FABP7: variants seen among roughly 807,000 people sequenced by gnomAD.
FABP7 encodes the protein fatty acid-binding protein, brain.
Under a neutral mutation model 14.2 loss-of-function variants are expected in FABP7, and 13 were observed. That is an observed-to-expected ratio of 0.91 (90% confidence interval 0.59 to 1.45). The LOEUF is 1.45. Ranked by LOEUF, FABP7 falls within the 40% of genes most tolerant of loss-of-function variation. The pLI, the probability that FABP7 is intolerant of heterozygous loss-of-function variation, is 0.00. For missense variants in FABP7, 149 were observed against 157.6 expected (o/e 0.95, Z 0.29); for synonymous variants, 49 against 51.4 (o/e 0.95, Z 0.20).
At chr6:122,762,077 G>C in the FABP7 span, among the ~76,000 whole-genome samples, 1 of 152,078 alleles carries the variant, frequency 6.6e-6, no homozygotes, top group Non-Finnish European at 1.5e-5. Context: ...GCTTGGCAGA[G>C]ACACAACAAA....
the FABP7 span, among the ~76,000 whole-genome samples, chr6:122,762,474 C>T: frequency 6.6e-6 from 1 of 152,150 alleles, no homozygotes; most frequent in East Asian, 1.9e-4. Flanking sequence ...CCTTTGAAAA[C>T]TGGCACAAGA....
chr6:122,770,973 G>A, the FABP7 span, among the ~76,000 whole-genome samples: 1 of 152,144 alleles, frequency 6.6e-6, no homozygotes, highest in South Asian at 2.1e-4. Context: ...CAATATACTT[G>A]TGTAAGACTA....
At chr6:122,783,073 AT>A (rs1290472182) in intron 3 of FABP7, 5 of 985,314 alleles carry the variant, frequency 5.1e-6, no homozygotes, top group Admixed American at 1.2e-4. Context: ...ACATCAATAC[AT>A]GAAAACCATG....
chr6:122,777,706 A>G (rs931849364), upstream of FABP7, among the ~76,000 whole-genome samples: 7 of 152,032 alleles, frequency 4.6e-5, no homozygotes, highest in African/African-American at 1.7e-4. Flanking sequence ...AAAAATAGCC[A>G]GGCATAATGG....
Position 122,784,002 on chromosome 6 carries a change from T to A in FABP7, c.*235T>A. The A allele has an allele frequency of 2.8e-6, 1 of 355,754 alleles. No individual in the cohort carries two copies. Among genetic ancestry groups the A allele is most frequent in the Non-Finnish European group, 4.9e-6 (1 of 206,104 alleles). 22.0% of individuals were successfully genotyped at this position (355,754 alleles called of 1,614,324 possible). ...TTTGTCCCCCCCCCCCTTTTTTTTATAAACAAGTGAATACATTTTATAATT... is the reference window on the plus strand; with the variant it reads ...TTTGTCCCCCCCCCCCTTTTTTTTAAAAACAAGTGAATACATTTTATAATT... On this transcript the variant is annotated 3_prime_UTR_variant, in exon 4 of 4. Transcript: ENST00000368444.
the FABP7 span, among the ~76,000 whole-genome samples, chr6:122,750,401 AAC>A: frequency 1.3e-5 from 2 of 152,202 alleles, no homozygotes; most frequent in Non-Finnish European, 2.9e-5. Context: ...AAGCAAGAAA[AAC>A]ACATTTTATG....
At chr6:122,768,029 A>G in the FABP7 span, among the ~76,000 whole-genome samples, 1 of 152,166 alleles carries the variant, frequency 6.6e-6, no homozygotes, top group African/African-American at 2.4e-5. Flanking sequence ...ACAAAATAAG[A>G]AAAACACAAC....
chr6:122,783,051 C>T (rs1477579709), intron 3 of FABP7: 5 of 985,220 alleles, frequency 5.1e-6, no homozygotes, highest in Non-Finnish European at 6.0e-6. Flanking sequence ...ATATACTATA[C>T]TCCTGAACAT....
chr6:122,750,460 A>T, the FABP7 span, among the ~76,000 whole-genome samples: 2 of 152,244 alleles, frequency 1.3e-5, no homozygotes, highest in Non-Finnish European at 2.9e-5. Context: ...TTACTGATTT[A>T]TACATTAATC....
chr6:122,770,572 G>C, the FABP7 span, among the ~76,000 whole-genome samples: 1 of 152,106 alleles, frequency 6.6e-6, no homozygotes, highest in African/African-American at 2.4e-5. Flanking sequence ...AAGTTAATAA[G>C]GCATTAAATG....
At chr6:122,777,056 T>C (rs1176552094), upstream of FABP7, among the ~76,000 whole-genome samples, 1 of 152,128 alleles carries the variant, frequency 6.6e-6, no homozygotes, top group Non-Finnish European at 1.5e-5. Flanking sequence ...AAGAAATAAA[T>C]GGGTATGCAC....
Position 122,783,839 on chromosome 6 carries a change from T to C in FABP7, c.*72T>C. Reference sequence around the variant, plus strand: ...TCCTCAAGTCTCAGTGCTATCCTATTACAACATGGCTGATCATTAATTAGA... The same window carrying C: ...TCCTCAAGTCTCAGTGCTATCCTATCACAACATGGCTGATCATTAATTAGA... On this transcript the variant is annotated 3_prime_UTR_variant, in exon 4 of 4. Coordinates refer to ENST00000368444, the MANE Select transcript of FABP7 (RefSeq NM_001446.5). 8.3e-7 allele frequency: 1 copy of C among 1,204,810 alleles called. No homozygotes were observed. Among genetic ancestry groups the C allele is most frequent in the Non-Finnish European group, 1.2e-6 (1 of 828,392 alleles). 74.6% of individuals were successfully genotyped at this position (1,204,810 alleles called of 1,614,324 possible).
At chr6:122,762,445 G>A in the FABP7 span, among the ~76,000 whole-genome samples, 1 of 152,182 alleles carries the variant, frequency 6.6e-6, no homozygotes, top group East Asian at 1.9e-4. Context: ...TACTGAATGG[G>A]CAAAAACTGG....
At chr6:122,781,258 C>A in intron 3 of FABP7, 64 bp downstream of exon 3, 1 of 1,574,430 alleles carries the variant, frequency 6.4e-7, no homozygotes, top group Non-Finnish European at 8.7e-7. Flanking sequence ...CTCTCACCTC[C>A]TTCCTTCTTC....
upstream of FABP7, chr6:122,779,675 C>T (rs1780731747): frequency 1.1e-6 from 1 of 885,648 alleles, no homozygotes; most frequent in African/African-American, 1.7e-5. Flanking sequence ...TTTTTGCCCA[C>T]CCTCTTTCCA....
chr6:122,767,848 T>C, the FABP7 span, among the ~76,000 whole-genome samples: 1 of 151,752 alleles, frequency 6.6e-6, no homozygotes, highest in African/African-American at 2.4e-5. Flanking sequence ...GGTGGTTTCC[T>C]TAAATAAGAC....
At chr6:122,765,031 A>G in the FABP7 span, among the ~76,000 whole-genome samples, 1 of 152,180 alleles carries the variant, frequency 6.6e-6, no homozygotes, top group Admixed American at 6.5e-5. Context: ...CATTATAATG[A>G]GAATGCCAGT....
chr6:122,749,611 C>A, the FABP7 span, among the ~76,000 whole-genome samples: 1 of 152,188 alleles, frequency 6.6e-6, no homozygotes, highest in Non-Finnish European at 1.5e-5. Flanking sequence ...CATATATATC[C>A]TTTCCAGTAT....
chr6:122,782,129 T>G (rs1221235556), intron 3 of FABP7: 2 of 984,276 alleles, frequency 2.0e-6, no homozygotes, highest in South Asian at 4.7e-5. Context: ...AACATATATA[T>G]TCAATACTAG....
Sources: gnomAD v4.1 joint callset for allele counts (sites outside exome capture counted in the v4.1 genomes callset) on GRCh38, gnomAD v4.1.1 for gene constraint, MANE v1.5 for transcripts, NCBI Gene and HGNC (gene_info 2026-07-23, HGNC 2026-07-21) for gene names.